Variants in HSPA12A observed in about 807,000 individuals in gnomAD.
HSPA12A encodes the protein heat shock protein family A (Hsp70) member 12A, also known as heat shock 70 kDa protein 12A.
HSPA12A carries 28 observed loss-of-function variants against 69.2 expected under a neutral mutation model. The observed-to-expected ratio is 0.40, with a 90% CI of 0.30 to 0.55. The LOEUF is 0.55. HSPA12A is among the 20% of genes least tolerant of loss of function. The pLI is 0.38. For synonymous variants in HSPA12A, 345 were observed against 370.5 expected (o/e 0.93, Z 0.79); for missense variants, 686 against 900.7 (o/e 0.76, Z 3.05).
chr10:116,849,637 TG>T, exon 1 of HSPA12A: 1 of 1,550,222 alleles, frequency 6.5e-7, no homozygotes, highest in Non-Finnish European at 8.7e-7. Context: ...CAGCAGGCGA[TG>T]GAGTACTACC....
At chr10:116,744,680 C>T (rs1416956983), upstream of HSPA12A, among the ~76,000 whole-genome samples, 2 of 152,250 alleles carry the variant, frequency 1.3e-5, no homozygotes, top group African/African-American at 4.8e-5. Context: ...CTAATTACAA[C>T]GCGCCCTGCT....
At chr10:116,706,731 G>C (rs1171069411) in intron 2 of HSPA12A, among the ~76,000 whole-genome samples, 1 of 152,164 alleles carries the variant, frequency 6.6e-6, no homozygotes, top group South Asian at 2.1e-4. Context: ...GCCCTGCTCA[G>C]GGCTTCTCTA....
At chr10:116,763,428 C>T (rs1254940221) in intron 2 of HSPA12A, among the ~76,000 whole-genome samples, 3 of 152,230 alleles carry the variant, frequency 2.0e-5, no homozygotes, top group Non-Finnish European at 2.9e-5. Flanking sequence ...CCCCTACCCC[C>T]AGATAATACT....
intron 2 of HSPA12A, among the ~76,000 whole-genome samples, chr10:116,828,446 A>T (rs1222861997): frequency 6.6e-6 from 1 of 152,172 alleles, no homozygotes; most frequent in Non-Finnish European, 1.5e-5. Flanking sequence ...CATCTCCTTC[A>T]GCCCAGACTC....
At chr10:116,808,840 C>T (rs1278686763) in intron 2 of HSPA12A, among the ~76,000 whole-genome samples, 2 of 152,128 alleles carry the variant, frequency 1.3e-5, no homozygotes, top group East Asian at 1.9e-4. Context: ...CAGAGGGCCC[C>T]GCACCGCCGT....
intron 1 of HSPA12A, among the ~76,000 whole-genome samples, chr10:116,845,322 G>A (rs751934860): frequency 2.0e-5 from 3 of 152,132 alleles, no homozygotes; most frequent in Admixed American, 6.5e-5. Flanking sequence ...CTTCATATTC[G>A]AAAAGCTTAG....
intron 2 of HSPA12A, among the ~76,000 whole-genome samples, chr10:116,777,639 C>A (rs1217778801): frequency 6.6e-6 from 1 of 152,246 alleles, no homozygotes; most frequent in African/African-American, 2.4e-5. Context: ...CACGCCACTA[C>A]GTTTCCATCC....
intron 9 of HSPA12A, among the ~76,000 whole-genome samples, chr10:116,680,744 C>T (rs1017898409): frequency 9.9e-5 from 15 of 152,216 alleles, no homozygotes; most frequent in African/African-American, 3.4e-4. Context: ...CTTGGCCTCC[C>T]AAAGTGCTGG....
Position 116,686,503 on chromosome 10 carries a change from T to C in HSPA12A, c.664-2541A>G, listed in dbSNP as rs1849579961. Among the ~76,000 whole-genome samples, 1 of 152,142 alleles carries C rather than the reference T, an allele frequency of 6.6e-6. No individual in the cohort carries two copies. On this transcript the variant is annotated intron_variant, in intron 6 of 11. Transcript: ENST00000369209. This position sits in a 1 kb window ranked among gnomAD's most constrained non-coding sequence, Gnocchi z 4.1. ...CTTGAAAATAAACTGGGGATGGCAG[T>C]AGACCCATGAGTGGAGCCCAAGGAG...
chr10:116,788,932 C>T (rs1844639770), intron 2 of HSPA12A, among the ~76,000 whole-genome samples: 1 of 147,398 alleles, frequency 6.8e-6, no homozygotes, highest in African/African-American at 2.5e-5. Context: ...GTGGCAAGAT[C>T]TCAGCTCACT....
intron 1 of HSPA12A, among the ~76,000 whole-genome samples, chr10:116,717,261 A>C (rs782426988): frequency 6.6e-6 from 1 of 152,184 alleles, no homozygotes; most frequent in Non-Finnish European, 1.5e-5. Flanking sequence ...GCACACCTGC[A>C]CGTTCCCAGT....
chr10:116,809,524 C>T (rs1845133076), intron 2 of HSPA12A, among the ~76,000 whole-genome samples: 1 of 152,200 alleles, frequency 6.6e-6, no homozygotes, highest in Admixed American at 6.5e-5. Flanking sequence ...ACGGGAGAGC[C>T]CAGTAGAATG....
chr10:116,755,609 CAAAAAAAAAAAAAA>C (rs1204991661), intron 2 of HSPA12A, among the ~76,000 whole-genome samples: 2 of 46,006 alleles, frequency 4.3e-5, no homozygotes, highest in East Asian at 7.4e-4. Flanking sequence ...GAGACTGTCT[CAAAAAAAAAAAAAA>C]AAAAAAAAAG....
intron 2 of HSPA12A, among the ~76,000 whole-genome samples, chr10:116,804,847 A>G (rs1399231321): frequency 1.3e-5 from 2 of 152,190 alleles, no homozygotes; most frequent in Non-Finnish European, 2.9e-5. Flanking sequence ...GGGTTGAACA[A>G]GTGATGGACA....
intron 2 of HSPA12A, among the ~76,000 whole-genome samples, chr10:116,770,858 TC>T (rs1844188040): frequency 6.6e-6 from 1 of 151,272 alleles, no homozygotes; most frequent in Admixed American, 6.6e-5. Context: ...GAAAGCCTTT[TC>T]TAAGGATGCC....
intron 2 of HSPA12A, among the ~76,000 whole-genome samples, chr10:116,756,590 A>G (rs982288166): frequency 6.6e-6 from 1 of 151,964 alleles, no homozygotes; most frequent in African/African-American, 2.4e-5. Flanking sequence ...TACCCCCATA[A>G]CCCAAGGCCT....
At chr10:116,700,060 C>T (rs10787715) in intron 4 of HSPA12A, among the ~76,000 whole-genome samples, 33,824 of 152,006 alleles carry the variant, frequency 0.22, 4,491 homozygotes, top group Middle Eastern at 0.39. Context: ...TCCTTTAATC[C>T]CTACAAAATC....
intron 1 of HSPA12A, among the ~76,000 whole-genome samples, chr10:116,731,854 C>T (rs950312340): frequency 4.9e-4 from 74 of 152,252 alleles, no homozygotes; most frequent in African/African-American, 1.7e-3. Context: ...CTTGCGGCCT[C>T]GTCTGGGAAT....
At chr10:116,676,802 T>G (rs879989053) in intron 10 of HSPA12A, among the ~76,000 whole-genome samples, 1 of 152,194 alleles carries the variant, frequency 6.6e-6, no homozygotes, top group Non-Finnish European at 1.5e-5. Flanking sequence ...CACTGTCTCT[T>G]TCGCAGGACC....
Sources: allele counts gnomAD v4.1 joint callset (sites outside exome capture counted in the v4.1 genomes callset), GRCh38; gene constraint gnomAD v4.1.1; non-coding constraint Gnocchi (gnomAD v3.1); transcripts MANE v1.5; gene names NCBI Gene and HGNC (gene_info 2026-07-23, HGNC 2026-07-21).